Variants in FRMPD2 observed in about 807,000 individuals in gnomAD.
FRMPD2 encodes FERM and PDZ domain-containing protein 2.
In FRMPD2, 96 loss-of-function variants were observed where a neutral mutation model predicts 140.1. That is an observed-to-expected ratio of 0.69 (90% CI 0.58 to 0.81). The LOEUF is 0.81. FRMPD2 is among the 40% of genes least tolerant of loss of function. FRMPD2 has a pLI of 0.00. For synonymous variants in FRMPD2, 449 were observed against 547.6 expected (o/e 0.82, Z 2.52); for missense variants, 1,240 against 1,447.4 (o/e 0.86, Z 2.32).
chr10:48,262,201 G>T (rs1405968075), intron 1 of FRMPD2, among the ~76,000 whole-genome samples: 1 of 152,092 alleles, frequency 6.6e-6, no homozygotes, highest in Non-Finnish European at 1.5e-5. Context: ...CAGTTATGTT[G>T]TCTAGAAGAA....
chr10:48,198,645 T>C (rs529924572), intron 15 of FRMPD2, among the ~76,000 whole-genome samples: 4 of 152,226 alleles, frequency 2.6e-5, no homozygotes, highest in African/African-American at 9.7e-5. Context: ...AGGAATAGCA[T>C]TGAATCTGTA....
intron 12 of FRMPD2, among the ~76,000 whole-genome samples, chr10:48,217,465 T>C (rs60886835): frequency 0.018 from 2,712 of 152,140 alleles, 71 homozygotes; most frequent in African/African-American, 0.055. Flanking sequence ...AGCAAGACAA[T>C]GTTGGGAGAG....
rs778945600 is a variant in FRMPD2 at position 48,206,918 on chromosome 10, G to A, written c.1627C>T (p.Pro543Ser). 6.2e-7 allele frequency: 1 copy of A among 1,613,782 alleles called. No individual in the cohort carries two copies. The highest frequency in any genetic ancestry group is 1.1e-5 in the South Asian group (1 of 91,054). Residue 543 changes from proline (P) to serine (S), a missense_variant, in exon 14 of 29, where the codon CCA (proline) becomes TCA (serine). Coordinates refer to ENST00000374201, the MANE Select transcript of FRMPD2 (RefSeq NM_001018071.4). ...LKFLRVTQQLPEYGVLVHQVF... is the reference protein window; with the variant it reads ...LKFLRVTQQLSEYGVLVHQVF... The stretch of plus-strand genomic sequence containing the variant: ...TGGTGAACCAGCACACCGTATTCTG[G>A]GAGCTGCTGAGTGACCTGGAGCAGA...
At chr10:48,219,150 C>G (rs1480105366) in intron 12 of FRMPD2, among the ~76,000 whole-genome samples, 2 of 151,856 alleles carry the variant, frequency 1.3e-5, no homozygotes, top group Non-Finnish European at 2.9e-5. Context: ...CATGCCAGTT[C>G]TTAGGATCTC....
chr10:48,234,582 G>C (rs1839924057), intron 9 of FRMPD2, among the ~76,000 whole-genome samples: 2 of 152,124 alleles, frequency 1.3e-5, no homozygotes, highest in Admixed American at 6.5e-5. Flanking sequence ...AAGCAACAGG[G>C]GCAAATGCTC....
intron 8 of FRMPD2, 130 bp downstream of exon 8, chr10:48,237,861 A>G (rs1840005412): frequency 1.1e-5 from 12 of 1,131,676 alleles, no homozygotes; most frequent in South Asian, 6.3e-5. Flanking sequence ...TGTTAGTCCA[A>G]TCCTATAAAC....
chr10:48,193,070 G>C (rs539936096), intron 15 of FRMPD2, 176 bp from the exon 16 acceptor site: 1 of 602,754 alleles, frequency 1.7e-6, no homozygotes, highest in African/African-American at 1.9e-5. Flanking sequence ...ATTAGCACTT[G>C]CTAATGAAAG....
chr10:48,177,896 C>T (rs2132416818), intron 22 of FRMPD2, 151 bp downstream of exon 22: 2 of 554,212 alleles, frequency 3.6e-6, no homozygotes, highest in South Asian at 4.0e-5. Context: ...AACTCATCCC[C>T]CAGTGCAGGC....
chr10:48,221,109 A>T (rs905334764), intron 12 of FRMPD2, among the ~76,000 whole-genome samples: 8 of 152,218 alleles, frequency 5.3e-5, no homozygotes, highest in African/African-American at 1.9e-4. Context: ...AGAGGAAAAG[A>T]AGTTATTATA....
chr10:48,238,054 C>T lies in FRMPD2; in HGVS notation c.858G>A (p.Ser286=), dbSNP rs113994405. The change falls in exon 8 of 29, where the codon TCG becomes TCA. Residue 286 remains serine, a synonymous_variant. Transcript: ENST00000374201. ...TTGTTGGCCATGAGCTGTCTGCTGC[C>T]GAGTGCACAGATCCAGAGCTGAGCC... is the stretch of plus-strand genomic sequence containing the variant. ...GRRLSSGSVH[S]AADSSWPTTP... is the part of the protein sequence containing the mutation. The T allele has an allele frequency of 7.3e-4, 1,185 of 1,614,088 alleles. 5 individuals are homozygous for T. The highest frequency in any genetic ancestry group is 5.1e-3 in the East Asian group (230 of 44,886).
intron 1 of FRMPD2, among the ~76,000 whole-genome samples, chr10:48,257,789 T>A (rs1287844455): frequency 6.6e-6 from 1 of 152,162 alleles, no homozygotes; most frequent in African/African-American, 2.4e-5. Context: ...AGCGACCTCA[T>A]GGAACTGCCC....
chr10:48,224,048 G>A (rs1005728253), intron 10 of FRMPD2, among the ~76,000 whole-genome samples: 6 of 152,152 alleles, frequency 3.9e-5, no homozygotes, highest in Non-Finnish European at 5.9e-5. Context: ...CCTAAGGCAT[G>A]GTGTAAGTGG....
intron 10 of FRMPD2, among the ~76,000 whole-genome samples, chr10:48,226,614 T>A (rs1345642261): frequency 1.3e-5 from 2 of 152,198 alleles, no homozygotes; most frequent in African/African-American, 4.8e-5. Context: ...GTGATAGTCA[T>A]CCTCCCTCTC....
At chr10:48,255,080 G>A (rs1840462625) in intron 1 of FRMPD2, among the ~76,000 whole-genome samples, 1 of 151,890 alleles carries the variant, frequency 6.6e-6, no homozygotes, top group African/African-American at 2.4e-5. Flanking sequence ...TCCAGTCAAT[G>A]GGCATTTTGG....
chr10:48,193,812 T>G (rs923378415), intron 15 of FRMPD2, among the ~76,000 whole-genome samples: 10 of 152,158 alleles, frequency 6.6e-5, no homozygotes, highest in African/African-American at 2.4e-4. Context: ...ATTTCAAGGA[T>G]ATCCATGGGC....
At chr10:48,244,739 C>T (rs772919921) in intron 4 of FRMPD2, 45 bp downstream of exon 4, 1 of 1,473,166 alleles carries the variant, frequency 6.8e-7, no homozygotes. Flanking sequence ...CTAAATAAAC[C>T]CAGAGACACA....
intron 10 of FRMPD2, among the ~76,000 whole-genome samples, chr10:48,224,385 C>T (rs1357940118): frequency 6.6e-6 from 1 of 152,206 alleles, no homozygotes; most frequent in Admixed American, 6.5e-5. Context: ...AGGAGTCCTG[C>T]CCAGTTTTGG....
intron 28 of FRMPD2, chr10:48,159,312 C>T (rs1837871592): frequency 4.4e-6 from 2 of 452,346 alleles, no homozygotes; most frequent in East Asian, 7.0e-5. Flanking sequence ...AGCTGAAGTA[C>T]AATACTTAGG....
At chr10:48,197,332 G>A (rs1424133763) in intron 15 of FRMPD2, among the ~76,000 whole-genome samples, 1 of 152,190 alleles carries the variant, frequency 6.6e-6, no homozygotes, top group East Asian at 1.9e-4. Context: ...AGCTAGAAAT[G>A]TTACACGCAC....
Sources: allele counts gnomAD v4.1 joint callset (sites outside exome capture counted in the v4.1 genomes callset), GRCh38; gene constraint gnomAD v4.1.1; transcripts MANE v1.5; gene names NCBI Gene and HGNC (gene_info 2026-07-23, HGNC 2026-07-21).